The following CPE variants were observed in gnomAD, a reference collection of about 807,000 sequenced individuals.
The protein encoded by CPE is carbocypeptidase E.
A neutral mutation model predicts 53.5 loss-of-function variants in CPE; 17 were observed. The ratio of observed to expected loss-of-function variants is 0.32; its 90% CI spans 0.22 to 0.48. The LOEUF (loss-of-function observed/expected upper bound fraction) is 0.48, where lower values mean the gene tolerates loss of function less well. CPE is among the 20% of genes least tolerant of loss of function. The probability of loss-of-function intolerance (pLI) is 0.99; values close to 1 mark genes in which losing one functional copy is unlikely to be tolerated. For missense variants in CPE, 524 were observed against 614.7 expected (o/e 0.85, Z 1.56); for synonymous variants, 226 against 228.8 (o/e 0.99, Z 0.11).
At chr4:165,414,414 C>T (rs1731089023) in intron 1 of CPE, among the ~76,000 whole-genome samples, 1 of 152,124 alleles carries the variant, frequency 6.6e-6, no homozygotes, top group African/African-American at 2.4e-5. Flanking sequence ...TACTTGTACA[C>T]ACCTCAAAGT....
intron 1 of CPE, among the ~76,000 whole-genome samples, chr4:165,449,176 C>T (rs907380222): frequency 6.6e-6 from 1 of 152,204 alleles, no homozygotes; most frequent in Non-Finnish European, 1.5e-5. Context: ...TCCTCAGATT[C>T]TAGGTCTAAT....
At chr4:165,442,877 T>C (rs948663692) in intron 1 of CPE, among the ~76,000 whole-genome samples, 1 of 152,188 alleles carries the variant, frequency 6.6e-6, no homozygotes, top group Non-Finnish European at 1.5e-5. Context: ...CTATATTACC[T>C]TGAGGAAGAA....
intron 1 of CPE, among the ~76,000 whole-genome samples, chr4:165,413,117 G>A (rs971860156): frequency 6.6e-6 from 1 of 152,178 alleles, no homozygotes; most frequent in Non-Finnish European, 1.5e-5. Flanking sequence ...TCTCTCACAT[G>A]TTGTATATGC....
chr4:165,390,566 C>T (rs921528051), intron 1 of CPE, among the ~76,000 whole-genome samples: 3 of 152,086 alleles, frequency 2.0e-5, no homozygotes, highest in African/African-American at 7.2e-5. Context: ...AAATTAGCCT[C>T]CTTCAAATTA....
chr4:165,381,390 G>T (rs1730503359), intron 1 of CPE: 2 of 446,196 alleles, frequency 4.5e-6, no homozygotes, highest in South Asian at 3.2e-5. Context: ...GAAAAATACT[G>T]AATATGCAGT....
chr4:165,491,782 A>G (rs1475544883), intron 6 of CPE, among the ~76,000 whole-genome samples: 1 of 152,192 alleles, frequency 6.6e-6, no homozygotes, highest in Non-Finnish European at 1.5e-5. Flanking sequence ...GTAACAAGGC[A>G]CATCTTTTTG....
At chr4:165,436,684 T>A (rs932327614) in intron 1 of CPE, among the ~76,000 whole-genome samples, 1 of 152,172 alleles carries the variant, frequency 6.6e-6, no homozygotes, top group Non-Finnish European at 1.5e-5. Flanking sequence ...TTTTTAATTA[T>A]TTAGAGATGG....
chr4:165,404,135 C>G (rs1432971877), intron 1 of CPE: 13 of 780,396 alleles, frequency 1.7e-5, no homozygotes, highest in South Asian at 1.3e-4. Flanking sequence ...GAACTCTTTT[C>G]CATAGGCAGC....
rs2126648195 is a variant in CPE, at chr4:165,379,267, C to T, written c.46C>T (p.Leu16=). 6.9e-7 allele frequency: 1 copy of T among 1,452,100 alleles called. No individual in the cohort carries two copies. The highest frequency in any genetic ancestry group is 2.8e-5 in the Admixed American group (1 of 36,128). The allele number at this position is 1,452,100 out of a possible 1,614,324, so 90.0% of individuals were successfully genotyped here. Residue 16 remains leucine (L), a synonymous_variant, in exon 1 of 9, where the codon CTG becomes TTG. Coordinates refer to ENST00000402744, the MANE Select transcript of CPE (RefSeq NM_001873.4). The surrounding 1 kb of genome is among the most constrained non-coding windows in gnomAD (Gnocchi z 6.0). ...CGCGCTGCTGGCTCTGTGCGGGGCA[C>T]TGGCTGCCTGCGGGTGGCTCCTGGG... ...GSALLALCGA[L]AACGWLLGAE...
At chr4:165,455,210 A>T (rs1731880410) in intron 1 of CPE, among the ~76,000 whole-genome samples, 1 of 152,252 alleles carries the variant, frequency 6.6e-6, no homozygotes, top group African/African-American at 2.4e-5. Context: ...CACTCGAATC[A>T]TAGTTGCTGC....
At chr4:165,392,911 C>T (rs1441479502) in intron 1 of CPE, among the ~76,000 whole-genome samples, 2 of 148,622 alleles carry the variant, frequency 1.3e-5, no homozygotes, top group Non-Finnish European at 3.0e-5. Context: ...AAACATAATA[C>T]AGTTATATAG....
chr4:165,489,136 G>A (rs1732557935), intron 6 of CPE, among the ~76,000 whole-genome samples: 1 of 152,176 alleles, frequency 6.6e-6, no homozygotes, highest in Non-Finnish European at 1.5e-5. Flanking sequence ...CTCCTTTGAG[G>A]AGAGCCGTAT....
intron 2 of CPE, among the ~76,000 whole-genome samples, chr4:165,467,378 A>C (rs573020427): frequency 5.9e-5 from 9 of 152,334 alleles, no homozygotes; most frequent in Admixed American, 1.3e-4. Flanking sequence ...CTAGGCCTAC[A>C]CAGGGTCAGG....
chr4:165,467,521 C>T (rs1342875089), intron 2 of CPE, among the ~76,000 whole-genome samples, 167 bp from the exon 3 acceptor site: 6 of 152,132 alleles, frequency 3.9e-5, no homozygotes, highest in Non-Finnish European at 2.9e-5. Context: ...AAATCTGATA[C>T]CTTCATGTTT....
chr4:165,433,444 T>C (rs1731445166), intron 1 of CPE, among the ~76,000 whole-genome samples: 1 of 152,210 alleles, frequency 6.6e-6, no homozygotes, highest in Non-Finnish European at 1.5e-5. Context: ...TAGTGATTAC[T>C]GAACAGACTA....
chr4:165,447,549 C>T (rs1212015030), intron 1 of CPE, among the ~76,000 whole-genome samples: 4 of 147,722 alleles, frequency 2.7e-5, no homozygotes, highest in Admixed American at 2.1e-4. Context: ...CCAGCCTGGG[C>T]GACAGAGGGA....
At chr4:165,422,185 T>C (rs1026329867) in intron 1 of CPE, among the ~76,000 whole-genome samples, 1 of 152,082 alleles carries the variant, frequency 6.6e-6, no homozygotes, top group African/African-American at 2.4e-5. Context: ...CTGGAATAGA[T>C]TTTAATTTTT....
intron 1 of CPE, among the ~76,000 whole-genome samples, chr4:165,392,788 A>G (rs950194665): frequency 1.3e-5 from 2 of 148,650 alleles, no homozygotes; most frequent in Non-Finnish European, 3.0e-5. Context: ...TGCATTCTCT[A>G]AAATGAACAT....
Position 165,487,479 on chromosome 4 carries a change from A to T in CPE, c.1015A>T (p.Ile339Phe). 1 of 1,614,094 alleles carries T rather than the reference A, an allele frequency of 6.2e-7. No individual in the cohort carries two copies. Among genetic ancestry groups the T allele is most frequent in the South Asian group, 1.1e-5 (1 of 91,088 alleles). The stretch of plus-strand genomic sequence containing the variant: ...TTACCTTAGCAGCAACTGTTTTGAG[A>T]TCACCGTGGAGCTTAGCTGTGAGAA... ...FNYLSSNCFEITVELSCEKFP... is the reference protein window; with the variant it reads ...FNYLSSNCFEFTVELSCEKFP... Residue 339 changes from isoleucine (I) to phenylalanine (F), a missense_variant, in exon 6 of 9, where the codon ATC becomes TTC. Physicochemically the swap from Ile to Phe is conservative, Grantham distance 21. Transcript: ENST00000402744.
Sources: gnomAD v4.1 joint callset for allele counts (sites outside exome capture counted in the v4.1 genomes callset) on GRCh38, gnomAD v4.1.1 for gene constraint, Gnocchi (gnomAD v3.1) non-coding constraint, MANE v1.5 for transcripts, NCBI Gene and HGNC (gene_info 2026-07-23, HGNC 2026-07-21) for gene names.